ACSS2: variants seen among roughly 807,000 people sequenced by gnomAD.
The protein encoded by ACSS2 is acetyl-coenzyme A synthetase, cytoplasmic.
Under a neutral mutation model 90.6 loss-of-function variants are expected in ACSS2, and 58 were observed. The observed-to-expected ratio is 0.64, with a 90% CI of 0.52 to 0.80. The LOEUF is 0.80. ACSS2 is among the 30% of genes least tolerant of loss of function. ACSS2 has a pLI of 0.00. For synonymous variants in ACSS2, 300 were observed against 330.9 expected (o/e 0.91, Z 1.01); for missense variants, 759 against 912.0 (o/e 0.83, Z 2.16).
chr20:34,923,142 A>C (rs1169365304), intron 13 of ACSS2, 181 bp from the exon 14 acceptor site: 2 of 558,400 alleles, frequency 3.6e-6, no homozygotes, highest in Non-Finnish European at 3.2e-6. Flanking sequence ...AGAGGGGTAA[A>C]GTTACTTCTC....
Position 34,879,529 on chromosome 20 carries a change from C to CA in ACSS2, c.178+2706_178+2707insA, listed in dbSNP as rs1568958355. ...CACACACACACACACACACACACAC[C>CA]CCTACCCCCCCCAAAAAAACCCAGA... is the stretch of plus-strand genomic sequence containing the variant. On this transcript the variant is annotated intron_variant, in intron 1 of 17. Coordinates refer to ENST00000360596, the MANE Select transcript of ACSS2 (RefSeq NM_018677.4). 4.8e-4 allele frequency among the ~76,000 whole-genome samples: 29 copies of CA among 60,436 alleles called. No individual in the cohort carries two copies. In the African/African-American group the frequency reaches 5.3e-3, roughly 11 times the overall value. 39.6% of individuals were successfully genotyped at this position (60,436 alleles called of 152,430 possible).
chr20:34,877,818 C>CAAAAAAAAAAAAAAAA (rs60819156), intron 1 of ACSS2, among the ~76,000 whole-genome samples: 8 of 91,218 alleles, frequency 8.8e-5, no homozygotes, highest in African/African-American at 3.8e-4. Flanking sequence ...GACTTTGTCT[C>CAAAAAAAAAAAAAAAA]AAAAAAAAAA....
intron 2 of ACSS2, chr20:34,908,864 G>GAA (rs57607834): frequency 0.013 from 3,342 of 259,380 alleles, no homozygotes; most frequent in South Asian, 0.018. Context: ...TCCATCTTGG[G>GAA]AAAAAAAAAA....
intron 2 of ACSS2, among the ~76,000 whole-genome samples, chr20:34,906,731 C>A (rs1172581375): frequency 6.6e-6 from 1 of 151,946 alleles, no homozygotes; most frequent in African/African-American, 2.4e-5. Flanking sequence ...GCCTGTAATC[C>A]CAGCACTTTG....
chr20:34,913,278 G>T, intron 3 of ACSS2, 91 bp downstream of exon 3: 1 of 1,560,374 alleles, frequency 6.4e-7, no homozygotes, highest in Middle Eastern at 1.7e-4. Flanking sequence ...GGGATGGAAA[G>T]AATTTGGTAA....
At chr20:34,883,137 A>G (rs528701595) in intron 2 of ACSS2, 148 bp downstream of exon 2, 138 of 604,636 alleles carry the variant, frequency 2.3e-4, no homozygotes, top group Non-Finnish European at 3.5e-4. Flanking sequence ...CCTTCAGATC[A>G]CATAACTAGT....
chr20:34,919,931 C>T (rs2081160262), intron 8 of ACSS2, among the ~76,000 whole-genome samples: 1 of 152,066 alleles, frequency 6.6e-6, no homozygotes, highest in Non-Finnish European at 1.5e-5. Flanking sequence ...GAGTTCAATT[C>T]CTTCCACCTG....
At chr20:34,876,379 C>G (rs557411889), upstream of ACSS2, 1 of 344,402 alleles carries the variant, frequency 2.9e-6, no homozygotes, top group South Asian at 1.4e-4. Context: ...TGCTTTCACT[C>G]GACGGCGTCA....
At chr20:34,887,237 A>T (rs774968501) in intron 2 of ACSS2, among the ~76,000 whole-genome samples, 1 of 152,174 alleles carries the variant, frequency 6.6e-6, no homozygotes, top group African/African-American at 2.4e-5. Context: ...ATCTCCAGAT[A>T]CTCTCACTCC....
intron 9 of ACSS2, 68 bp from the exon 10 acceptor site, chr20:34,920,938 G>A: frequency 6.2e-7 from 1 of 1,601,350 alleles, no homozygotes; most frequent in South Asian, 1.1e-5. Flanking sequence ...TGAACCTGAG[G>A]GAATGGTAGG....
chr20:34,921,012 G>C lies in ACSS2; in HGVS notation c.1150G>C (p.Gly384Arg). The C allele has an allele frequency of 6.2e-7, 1 of 1,614,142 alleles. No individual in the cohort carries two copies. The highest frequency in any genetic ancestry group is 8.5e-7 in the Non-Finnish European group (1 of 1,180,026). The change falls in exon 10 of 18, where the codon GGG becomes CGG. Residue 384 changes from glycine (G) to arginine (R), a missense_variant. Transcript: ENST00000360596. ...ANGATSVLFE[G>R]IPTYPDVNRL... ...ACCAGCCTTCATGGGTCAGTTTGAG[G>C]GGATTCCCACATATCCGGACGTGAA...
chr20:34,911,900 A>G (rs1473882649), intron 2 of ACSS2, among the ~76,000 whole-genome samples: 1 of 151,866 alleles, frequency 6.6e-6, no homozygotes, highest in Non-Finnish European at 1.5e-5. Context: ...GGCTCACCAC[A>G]ACCTCCACCT....
At chr20:34,900,525 G>A (rs2080631367) in intron 2 of ACSS2, among the ~76,000 whole-genome samples, 1 of 152,032 alleles carries the variant, frequency 6.6e-6, no homozygotes, top group South Asian at 2.1e-4. Flanking sequence ...TCCCTCAATA[G>A]GTGAGGAATC....
At chr20:34,876,924 G>A in intron 1 of ACSS2, 101 bp downstream of exon 1, 1 of 703,432 alleles carries the variant, frequency 1.4e-6, no homozygotes, top group Non-Finnish European at 2.0e-6. Flanking sequence ...GGGTGGGTGA[G>A]GAGATGGAGG....
intron 13 of ACSS2, 121 bp downstream of exon 13, chr20:34,921,987 T>G: frequency 6.7e-7 from 1 of 1,493,188 alleles, no homozygotes; most frequent in Non-Finnish European, 8.9e-7. Context: ...AACTTCATGG[T>G]TGGAGGTTTG....
intron 1 of ACSS2, among the ~76,000 whole-genome samples, chr20:34,878,939 C>T (rs2079994231): frequency 7.6e-6 from 1 of 132,388 alleles, no homozygotes; most frequent in Non-Finnish European, 1.6e-5. Context: ...GAGTCTCGCT[C>T]TGTCGCCCAG....
chr20:34,883,882 T>A (rs2080127415), intron 2 of ACSS2, among the ~76,000 whole-genome samples: 1 of 152,206 alleles, frequency 6.6e-6, no homozygotes, highest in Non-Finnish European at 1.5e-5. Context: ...AATTGGGGTG[T>A]TGCTTCTGCC....
chr20:34,921,718 G>A (rs772546697), intron 12 of ACSS2, 68 bp from the exon 13 acceptor site: 15 of 1,609,384 alleles, frequency 9.3e-6, no homozygotes, highest in Non-Finnish European at 1.2e-5. Context: ...GGGTTCTGGG[G>A]CCCCTTGGGA....
intron 8 of ACSS2, 87 bp downstream of exon 8, chr20:34,919,659 G>C (rs993273784): frequency 6.8e-7 from 1 of 1,476,340 alleles, no homozygotes; most frequent in Non-Finnish European, 9.0e-7. Context: ...GAGGAAACAA[G>C]TAATGAAATT....
Sources: gnomAD v4.1 joint callset for allele counts (sites outside exome capture counted in the v4.1 genomes callset) on GRCh38, gnomAD v4.1.1 for gene constraint, MANE v1.5 for transcripts, NCBI Gene and HGNC (gene_info 2026-07-23, HGNC 2026-07-21) for gene names.